The following MCM9 variants were observed in gnomAD, a reference collection of about 807,000 sequenced individuals.
MCM9 encodes the protein minichromosome maintenance 9 homologous recombination repair factor, also known as DNA helicase MCM9.
MCM9 carries 55 observed loss-of-function variants against 72.8 expected under a neutral mutation model. The ratio of observed to expected loss-of-function variants is 0.76; its 90% CI spans 0.61 to 0.95. MCM9 has a LOEUF of 0.95. MCM9 is among the 40% of genes least tolerant of loss of function. The pLI, the probability that MCM9 is intolerant of heterozygous loss-of-function variation, is 0.00. For synonymous variants in MCM9, 480 were observed against 503.4 expected, an observed-to-expected ratio of 0.95 and a Z score of 0.62; for missense variants, 1,279 against 1,377.0, an observed-to-expected ratio of 0.93 and a Z score of 1.13.
At chr6:118,888,855 T>C (rs911959249) in intron 8 of MCM9, among the ~76,000 whole-genome samples, 1 of 152,176 alleles carries the variant, frequency 6.6e-6, no homozygotes, top group African/African-American at 2.4e-5. Flanking sequence ...TCCGTTTATA[T>C]GAAATGTCTA....
At chr6:118,885,231 T>C (rs1182641609) in intron 8 of MCM9, among the ~76,000 whole-genome samples, 1 of 151,134 alleles carries the variant, frequency 6.6e-6, no homozygotes, top group Non-Finnish European at 1.5e-5. Flanking sequence ...AATGAATAAA[T>C]AAATAAAAAT....
At chr6:118,928,398 G>A (rs1406064439) in intron 3 of MCM9, among the ~76,000 whole-genome samples, 2 of 152,034 alleles carry the variant, frequency 1.3e-5, no homozygotes, top group African/African-American at 2.4e-5. Context: ...GAAACAGAGT[G>A]AGACTCCATC....
At chr6:118,889,948 G>A (rs1005764204) in intron 8 of MCM9, among the ~76,000 whole-genome samples, 5 of 152,148 alleles carry the variant, frequency 3.3e-5, no homozygotes, top group Non-Finnish European at 7.3e-5. Flanking sequence ...GCAGAGAAGG[G>A]GAGAGGGTAC....
At chr6:118,914,475 T>C (rs187516326) in intron 6 of MCM9, among the ~76,000 whole-genome samples, 118 of 152,296 alleles carry the variant, frequency 7.7e-4, no homozygotes, top group African/African-American at 2.7e-3. Flanking sequence ...TCTATGATGA[T>C]GTGGCCTGCG....
Position 118,893,845 on chromosome 6 carries a change from C to CAAAA in MCM9, c.1150+17801_1150+17804dup, listed in dbSNP as rs750220069. On this transcript the variant is annotated intron_variant, in intron 8 of 13. Coordinates refer to ENST00000619706, the MANE Select transcript of MCM9 (RefSeq NM_017696.3). ...GCGTTAAATCAAAAAACCAAAAAAACAAAAAAAAAAACAAAAAAACGCCAA... is the reference window on the plus strand; with the variant it reads ...GCGTTAAATCAAAAAACCAAAAAAACAAAAAAAAAAAAAAACAAAAAAACGCCAA... Among the ~76,000 whole-genome samples, 306 of 56,736 alleles carry CAAAA rather than the reference C, an allele frequency of 5.4e-3. 2 individuals are homozygous for CAAAA. Among genetic ancestry groups the CAAAA allele is most frequent in the African/African-American group, 0.011 (283 of 24,836 alleles). The allele number at this position is 56,736 out of a possible 152,430, so 37.2% of individuals were successfully genotyped here.
intron 13 of MCM9, 107 bp downstream of exon 13, chr6:118,826,040 C>A (rs1172352608): frequency 4.0e-6 from 5 of 1,252,004 alleles, no homozygotes; most frequent in Non-Finnish European, 5.5e-6. Context: ...CTTACTGACC[C>A]AACACCTGAT....
chr6:118,894,777 CTT>C (rs1779237894), intron 8 of MCM9, among the ~76,000 whole-genome samples: 1 of 152,222 alleles, frequency 6.6e-6, no homozygotes, highest in Non-Finnish European at 1.5e-5. Flanking sequence ...ATGTTGTCAG[CTT>C]TGTCTGCGGG....
At chr6:118,906,126 G>A (rs1049517525) in intron 8 of MCM9, among the ~76,000 whole-genome samples, 9 of 152,122 alleles carry the variant, frequency 5.9e-5, no homozygotes, top group African/African-American at 1.4e-4. Flanking sequence ...AGGCTGGAGC[G>A]CAGTGGCATG....
At chr6:118,900,011 T>A (rs1033837192) in intron 8 of MCM9, among the ~76,000 whole-genome samples, 1 of 152,234 alleles carries the variant, frequency 6.6e-6, no homozygotes, top group Admixed American at 6.5e-5. Context: ...TTGTAAAACA[T>A]GCTCAGTAAA....
At chr6:118,851,882 A>G (rs1438227885) in intron 9 of MCM9, among the ~76,000 whole-genome samples, 18 of 152,232 alleles carry the variant, frequency 1.2e-4, no homozygotes, top group Admixed American at 1.0e-3. Flanking sequence ...CTCTTGAGAA[A>G]TCTACATTAA....
intron 8 of MCM9, among the ~76,000 whole-genome samples, chr6:118,869,412 T>TA (rs1291774253): frequency 6.6e-6 from 1 of 150,924 alleles, no homozygotes; most frequent in African/African-American, 2.4e-5. Flanking sequence ...AGTATAATAA[T>TA]AAAAAAAATT....
intron 8 of MCM9, among the ~76,000 whole-genome samples, chr6:118,864,769 C>T (rs1777114792): frequency 6.6e-6 from 1 of 152,174 alleles, no homozygotes; most frequent in Non-Finnish European, 1.5e-5. Flanking sequence ...GAGGATTAAA[C>T]ACCCAAGACT....
intron 13 of MCM9, 102 bp downstream of exon 13, chr6:118,826,045 C>T: frequency 7.7e-7 from 1 of 1,302,140 alleles, no homozygotes; most frequent in South Asian, 1.5e-5. Flanking sequence ...TGACCCAACA[C>T]CTGATAGATA....
chr6:118,829,383 CAGA>C (rs1019154399), intron 9 of MCM9, 133 bp from the exon 10 acceptor site: 37 of 772,216 alleles, frequency 4.8e-5, no homozygotes, highest in African/African-American at 4.0e-4. Context: ...TGTAGAATGA[CAGA>C]AGGAGATATC....
Position 118,922,032 on chromosome 6 carries a change from C to A in MCM9, c.676G>T (p.Asp226Tyr). 1 of 1,613,016 alleles carries A rather than the reference C, an allele frequency of 6.2e-7. No homozygotes were observed. The highest frequency in any genetic ancestry group is 8.5e-7 in the Non-Finnish European group (1 of 1,179,484). ...GATTTGCAACTATCCACTAAGTCATCTTCCAGAATAACCTTCATAGATCGT... is the reference window on the plus strand; with the variant it reads ...GATTTGCAACTATCCACTAAGTCATATTCCAGAATAACCTTCATAGATCGT... The part of the protein sequence containing the change: ...IPRSMKVILE[D>Y]DLVDSCKSGD... Residue 226 changes from aspartate to tyrosine, a missense_variant, in exon 5 of 14, where the codon GAT (aspartate) becomes TAT (tyrosine). Asp to Tyr is a radical substitution (Grantham distance 160). Transcript: ENST00000619706.
chr6:118,853,450 T>C (rs1419134094), intron 9 of MCM9, among the ~76,000 whole-genome samples: 1 of 152,182 alleles, frequency 6.6e-6, no homozygotes, highest in Non-Finnish European at 1.5e-5. Context: ...GTTGGGATTT[T>C]TTTTTTTGTT....
intron 8 of MCM9, among the ~76,000 whole-genome samples, chr6:118,867,302 A>C (rs1422646610): frequency 1.3e-5 from 2 of 152,016 alleles, no homozygotes; most frequent in Non-Finnish European, 2.9e-5. Context: ...GAGCTGAAAA[A>C]CTCATATTGC....
chr6:118,909,088 A>T (rs948025160), intron 8 of MCM9: 2 of 152,366 alleles, frequency 1.3e-5, no homozygotes, highest in Admixed American at 6.5e-5. Flanking sequence ...AAACTATATA[A>T]AGAAAATCTC....
chr6:118,891,475 TC>T (rs977200861), intron 8 of MCM9, among the ~76,000 whole-genome samples: 9 of 152,210 alleles, frequency 5.9e-5, no homozygotes, highest in Non-Finnish European at 1.3e-4. Flanking sequence ...AAATCCAAGA[TC>T]AAGGTGTTGG....
Sources: allele counts gnomAD v4.1 joint callset (sites outside exome capture counted in the v4.1 genomes callset), GRCh38; gene constraint gnomAD v4.1.1; transcripts MANE v1.5; gene names NCBI Gene and HGNC (gene_info 2026-07-23, HGNC 2026-07-21).